The following FOXP2 variants were observed in gnomAD, a reference collection of about 807,000 sequenced individuals.
FOXP2 encodes forkhead box P2, also known as forkhead box protein P2.
A neutral mutation model predicts 115.8 loss-of-function variants in FOXP2; 12 were observed. That is an observed-to-expected ratio of 0.10 (90% confidence interval 0.07 to 0.17). The LOEUF (loss-of-function observed/expected upper bound fraction) is 0.17, where lower values mean the gene tolerates loss of function less well. Ranked by LOEUF, FOXP2 falls within the 10% of genes least tolerant of loss-of-function variation. The pLI, the probability that FOXP2 is intolerant of heterozygous loss-of-function variation, is 1.00. For missense variants in FOXP2, 629 were observed against 843.5 expected (o/e 0.75, Z 3.15); for synonymous variants, 328 against 297.7 (o/e 1.10, Z -1.05).
intron 1 of FOXP2, among the ~76,000 whole-genome samples, chr7:114,176,298 T>TTCTTTCTTTCTTTC (rs368923204): frequency 0.021 from 1,608 of 76,432 alleles, 18 homozygotes; most frequent in African/African-American, 0.028. Flanking sequence ...CTTTCTTTCT[T>TTCTTTCTTTCTTTC]TCTCTCTCTC....
chr7:114,520,632 G>A (rs988948149), intron 2 of FOXP2, among the ~76,000 whole-genome samples: 6 of 152,000 alleles, frequency 3.9e-5, no homozygotes, highest in African/African-American at 1.4e-4. Context: ...AATTCTAAGT[G>A]AAAATACAAA....
chr7:114,281,976 C>T lies in FOXP2; in HGVS notation c.-101-6043C>T, dbSNP rs965773808. Among the ~76,000 whole-genome samples the T allele has an allele frequency of 5.9e-5, 9 of 152,028 alleles. No homozygotes were observed. The East Asian group carries it at 1.7e-3, about 29-fold the overall frequency. On this transcript the variant is annotated intron_variant, in intron 1 of 17. Transcript: ENST00000634411. ...CAGGCAAGAATAAAGCTTACATAGGCCCCACTCTGTACAGATAATGCTTAC... is the reference window on the plus strand; with the variant it reads ...CAGGCAAGAATAAAGCTTACATAGGTCCCACTCTGTACAGATAATGCTTAC...
intron 1 of FOXP2, among the ~76,000 whole-genome samples, chr7:114,244,211 T>A (rs930996436): frequency 1.6e-4 from 25 of 152,232 alleles, no homozygotes; most frequent in African/African-American, 6.0e-4. Flanking sequence ...CCACTCAGTT[T>A]ACCCTATTAT....
At chr7:114,684,258 C>T (rs1179101123) in intron 16 of FOXP2, among the ~76,000 whole-genome samples, 1 of 152,118 alleles carries the variant, frequency 6.6e-6, no homozygotes, top group African/African-American at 2.4e-5. Context: ...AAAGGTTAAC[C>T]CAAATGAACC....
At chr7:114,400,647 C>A (rs1229713316) in intron 2 of FOXP2, among the ~76,000 whole-genome samples, 1 of 152,016 alleles carries the variant, frequency 6.6e-6, no homozygotes, top group South Asian at 2.1e-4. Flanking sequence ...GAAACTGTTC[C>A]GCTTCAGATC....
intron 1 of FOXP2, among the ~76,000 whole-genome samples, chr7:114,267,740 TAAA>T (rs1795927892): frequency 8.0e-6 from 1 of 124,996 alleles, no homozygotes; most frequent in East Asian, 2.1e-4. Flanking sequence ...AATAAATAAA[TAAA>T]TAAATAAATA....
chr7:114,340,364 G>C (rs962084794), intron 2 of FOXP2, among the ~76,000 whole-genome samples: 2 of 150,778 alleles, frequency 1.3e-5, no homozygotes, highest in Admixed American at 6.6e-5. Context: ...ACACACTAAG[G>C]GACATAAAGA....
At chr7:114,604,490 G>A (rs1331343655) in intron 3 of FOXP2, among the ~76,000 whole-genome samples, 1 of 152,148 alleles carries the variant, frequency 6.6e-6, no homozygotes, top group African/African-American at 2.4e-5. Flanking sequence ...TCTACTGAAA[G>A]CTTGCATTCA....
chr7:114,140,034 A>C (rs1213601140), intron 1 of FOXP2, among the ~76,000 whole-genome samples: 1 of 152,032 alleles, frequency 6.6e-6, no homozygotes, highest in Non-Finnish European at 1.5e-5. Context: ...AATCACTTGA[A>C]CCCAAGAGGT....
chr7:114,164,943 G>A (rs1265532035), intron 1 of FOXP2, among the ~76,000 whole-genome samples: 2 of 149,030 alleles, frequency 1.3e-5, no homozygotes, highest in Non-Finnish European at 3.0e-5. Flanking sequence ...AAAAAGTTGA[G>A]TGGAAAACCT....
At chr7:114,383,841 G>A (rs184576805) in intron 2 of FOXP2, among the ~76,000 whole-genome samples, 49 of 152,290 alleles carry the variant, frequency 3.2e-4, no homozygotes, top group African/African-American at 1.1e-3. Context: ...TTTCCGATGA[G>A]CATTAGTCCT....
At chr7:114,181,062 T>C (rs1418935819) in intron 1 of FOXP2, among the ~76,000 whole-genome samples, 1 of 151,886 alleles carries the variant, frequency 6.6e-6, no homozygotes, top group Non-Finnish European at 1.5e-5. Flanking sequence ...TTTTCTCTAC[T>C]CAGCATATTT....
At chr7:114,485,013 C>A (rs1467985453) in intron 2 of FOXP2, among the ~76,000 whole-genome samples, 1 of 151,710 alleles carries the variant, frequency 6.6e-6, no homozygotes, top group African/African-American at 2.4e-5. Context: ...TTGAAAAAAT[C>A]TGTTTGAAAT....
chr7:114,277,430 T>G (rs929440864), intron 1 of FOXP2, among the ~76,000 whole-genome samples: 24 of 152,088 alleles, frequency 1.6e-4, no homozygotes, highest in African/African-American at 5.6e-4. Context: ...ATCTTGTCAT[T>G]CTTTGGCTTG....
At chr7:114,434,714 A>C (rs1794265517) in intron 2 of FOXP2, among the ~76,000 whole-genome samples, 1 of 152,096 alleles carries the variant, frequency 6.6e-6, no homozygotes, top group African/African-American at 2.4e-5. Flanking sequence ...CTTTTCAGTA[A>C]AAAGCTGTAT....
At chr7:114,087,444 G>GAA (rs1799442299), upstream of FOXP2, among the ~76,000 whole-genome samples, 1 of 142,934 alleles carries the variant, frequency 7.0e-6, no homozygotes, top group Non-Finnish European at 1.5e-5. Context: ...GTGGGTTTGG[G>GAA]GTGAAATCGC....
At chr7:114,510,689 TAA>T (rs1260051704) in intron 2 of FOXP2, among the ~76,000 whole-genome samples, 2 of 152,110 alleles carry the variant, frequency 1.3e-5, no homozygotes, top group Non-Finnish European at 2.9e-5. Flanking sequence ...TGGCGATCAT[TAA>T]AAAGTCAGGA....
At chr7:114,140,208 A>G (rs975162625) in intron 1 of FOXP2, among the ~76,000 whole-genome samples, 5 of 152,178 alleles carry the variant, frequency 3.3e-5, no homozygotes, top group Admixed American at 3.3e-4. Context: ...AAATAGTATA[A>G]AGTTAGTTCT....
At chr7:114,434,525 C>T (rs1168513228) in intron 2 of FOXP2, among the ~76,000 whole-genome samples, 1 of 150,500 alleles carries the variant, frequency 6.6e-6, no homozygotes, top group Non-Finnish European at 1.5e-5. Flanking sequence ...TAAAGAAAAA[C>T]ACATGGAGAA....
Sources: gnomAD v4.1 joint callset for allele counts (sites outside exome capture counted in the v4.1 genomes callset) on GRCh38, gnomAD v4.1.1 for gene constraint, MANE v1.5 for transcripts, NCBI Gene and HGNC (gene_info 2026-07-23, HGNC 2026-07-21) for gene names.